PHLDB2: variants seen among roughly 807,000 people sequenced by gnomAD.
PHLDB2 encodes pleckstrin homology-like domain family B member 2.
Under a neutral mutation model 123.6 loss-of-function variants are expected in PHLDB2, and 71 were observed. That is an observed-to-expected ratio of 0.57 (90% CI 0.47 to 0.70). The LOEUF is 0.70. PHLDB2 is among the 30% of genes least tolerant of loss of function. PHLDB2 has a pLI of 0.00. For missense variants in PHLDB2, 1,446 were observed against 1,519.5 expected, an observed-to-expected ratio of 0.95 and a Z score of 0.80; for synonymous variants, 547 against 541.6, an observed-to-expected ratio of 1.01 and a Z score of -0.14.
chr3:111,965,006 A>G (rs2071660311), intron 13 of PHLDB2, among the ~76,000 whole-genome samples: 1 of 152,234 alleles, frequency 6.6e-6, no homozygotes, highest in South Asian at 2.1e-4. Flanking sequence ...TTATGCCCTT[A>G]TACGTCCTGC....
chr3:111,753,113 G>C (rs1180920302), intron 1 of PHLDB2, among the ~76,000 whole-genome samples: 1 of 151,936 alleles, frequency 6.6e-6, no homozygotes, highest in African/African-American at 2.4e-5. Flanking sequence ...AAACGTATGT[G>C]TGCATGTGTC....
intron 5 of PHLDB2, among the ~76,000 whole-genome samples, chr3:111,925,718 C>A (rs1223546066): frequency 1.3e-5 from 2 of 152,244 alleles, no homozygotes; most frequent in African/African-American, 2.4e-5. Context: ...AACTGGCTTC[C>A]TTCCCTTCTA....
At chr3:111,948,681 G>T (rs982134641) in intron 9 of PHLDB2, among the ~76,000 whole-genome samples, 3 of 152,004 alleles carry the variant, frequency 2.0e-5, no homozygotes, top group Non-Finnish European at 2.9e-5. Context: ...GAAGATTTTG[G>T]GTTATTTATA....
At chr3:111,808,352 A>G (rs1015608569) in intron 1 of PHLDB2, among the ~76,000 whole-genome samples, 5 of 152,084 alleles carry the variant, frequency 3.3e-5, no homozygotes, top group African/African-American at 1.2e-4. Context: ...TGTTTGTGCA[A>G]TCAAACATAA....
chr3:111,834,030 T>A (rs1353448382), intron 1 of PHLDB2, among the ~76,000 whole-genome samples: 1 of 111,110 alleles, frequency 9.0e-6, no homozygotes, highest in Non-Finnish European at 1.6e-5. Context: ...ATTATATATA[T>A]AATATATGTA....
In PHLDB2 at chr3:111,762,089, C is replaced by T. The variant is rs568224716; in HGVS notation, c.-49+29386C>T. The stretch of plus-strand genomic sequence containing the variant: ...CACATTCAGCTGAGAACCAGACCAG[C>T]GTCTTAGCTATTAGTTCATTGCATG... On this transcript the variant is annotated intron_variant, in intron 1 of 17. Coordinates refer to the PHLDB2 transcript ENST00000393923. Among the ~76,000 whole-genome samples, 101 of 152,242 alleles carry T rather than the reference C, an allele frequency of 6.6e-4. 1 individual carries two copies. The highest frequency in any genetic ancestry group is 2.9e-3 in the Admixed American group (44 of 15,292).
intron 6 of PHLDB2, among the ~76,000 whole-genome samples, chr3:111,933,044 GC>G (rs1020391884): frequency 6.6e-6 from 1 of 152,182 alleles, no homozygotes; most frequent in African/African-American, 2.4e-5. Context: ...CTTAAGGTTG[GC>G]AGCGTTTAAC....
chr3:111,908,481 C>T (rs183091126), intron 2 of PHLDB2, among the ~76,000 whole-genome samples: 200 of 152,272 alleles, frequency 1.3e-3, no homozygotes, highest in Non-Finnish European at 2.5e-3. Flanking sequence ...TAAAAGAGGC[C>T]TCTGCTCCAC....
intron 2 of PHLDB2, among the ~76,000 whole-genome samples, chr3:111,907,921 C>T (rs924464063): frequency 1.3e-5 from 2 of 152,134 alleles, no homozygotes; most frequent in Non-Finnish European, 2.9e-5. Flanking sequence ...CTTAGCCTTC[C>T]AAGTAGCTGA....
intron 1 of PHLDB2, among the ~76,000 whole-genome samples, chr3:111,839,607 A>T (rs73855648): frequency 1.2e-3 from 183 of 152,288 alleles, no homozygotes; most frequent in African/African-American, 4.4e-3. Context: ...AACTATATCA[A>T]CTGTAAATAG....
Position 111,878,138 on chromosome 3 carries a change from T to C in PHLDB2, c.-14-5926T>C, listed in dbSNP as rs1432401325. On this transcript the variant is annotated intron_variant, in intron 1 of 17. Coordinates refer to ENST00000431670, the MANE Select transcript of PHLDB2 (RefSeq NM_001134438.2). ...ATAGCATTGAATCTATAAATTACTT[T>C]GGGAAGTATGGCCATTTTCACAATA... 2.6e-5 allele frequency among the ~76,000 whole-genome samples: 4 copies of C among 152,356 alleles called. No homozygotes were observed. The East Asian group carries it at 5.8e-4, about 22-fold the overall frequency.
chr3:111,974,506 G>T lies in PHLDB2; in HGVS notation c.3705G>T (p.Arg1235=), dbSNP rs752282998. The T allele has an allele frequency of 1.2e-6, 2 of 1,613,716 alleles. No individual in the cohort carries two copies. The highest frequency in any genetic ancestry group is 1.3e-5 in the African/African-American group (1 of 75,012). The change falls in exon 18 of 18, where the codon CGG becomes CGT. Residue 1235 remains arginine (R), a synonymous_variant. Coordinates refer to ENST00000431670, the MANE Select transcript of PHLDB2 (RefSeq NM_001134438.2). ...YMVAPSPEAM[R]IWMDVIVTGA... ...TAGCCCCATCGCCAGAAGCCATGCG[G>T]ATCTGGATGGATGTTATAGTTACGG...
intron 2 of PHLDB2, among the ~76,000 whole-genome samples, chr3:111,907,477 A>G (rs1391589736): frequency 1.3e-5 from 2 of 152,010 alleles, no homozygotes; most frequent in Non-Finnish European, 2.9e-5. Context: ...TGTAGTACCC[A>G]CAGGTTTTTT....
chr3:111,817,593 C>G (rs2062149652), intron 1 of PHLDB2, among the ~76,000 whole-genome samples: 1 of 152,116 alleles, frequency 6.6e-6, no homozygotes, highest in African/African-American at 2.4e-5. Context: ...AACTTGTATC[C>G]CTTAACCAAA....
chr3:111,892,283 C>T (rs995822183), intron 2 of PHLDB2, among the ~76,000 whole-genome samples: 6 of 152,134 alleles, frequency 3.9e-5, no homozygotes, highest in Admixed American at 2.6e-4. Flanking sequence ...TCAGCAATTC[C>T]TACCATTGAA....
intron 2 of PHLDB2, among the ~76,000 whole-genome samples, chr3:111,898,170 G>GTCTGTGTGTGTT (rs2066979568): frequency 7.7e-6 from 1 of 129,968 alleles, no homozygotes; most frequent in African/African-American, 3.0e-5. Flanking sequence ...CTTTGTGTGT[G>GTCTGTGTGTGTT]TGTGTGTGTG....
chr3:111,770,289 T>C (rs1247684277), intron 1 of PHLDB2, among the ~76,000 whole-genome samples: 1 of 152,244 alleles, frequency 6.6e-6, no homozygotes, highest in Non-Finnish European at 1.5e-5. Flanking sequence ...CCTAAGCAAG[T>C]ACTTAGATCT....
intron 1 of PHLDB2, among the ~76,000 whole-genome samples, chr3:111,824,995 T>G (rs1166242170): frequency 6.6e-6 from 1 of 152,192 alleles, no homozygotes; most frequent in Non-Finnish European, 1.5e-5. Context: ...CCTCATCTGC[T>G]CACGTAAATA....
chr3:111,836,212 G>A (rs1211212477), intron 1 of PHLDB2, among the ~76,000 whole-genome samples: 3 of 152,176 alleles, frequency 2.0e-5, no homozygotes, highest in African/African-American at 7.2e-5. Context: ...AGAAGAAAGT[G>A]GCCATGATGA....
Sources: allele counts gnomAD v4.1 joint callset (sites outside exome capture counted in the v4.1 genomes callset), GRCh38; gene constraint gnomAD v4.1.1; transcripts MANE v1.5; gene names NCBI Gene and HGNC (gene_info 2026-07-23, HGNC 2026-07-21).